PLSCR4: variants seen among roughly 807,000 people sequenced by gnomAD.
PLSCR4 encodes Ca(2+)-dependent phospholipid scramblase 4.
PLSCR4 carries 25 observed loss-of-function variants against 36.3 expected under a neutral mutation model. That is an observed-to-expected ratio of 0.69 (90% confidence interval 0.50 to 0.96). PLSCR4 has a LOEUF of 0.96. PLSCR4 is among the 40% of genes least tolerant of loss of function. The probability of loss-of-function intolerance (pLI) is 0.00; values close to 1 mark genes in which losing one functional copy is unlikely to be tolerated. For missense variants in PLSCR4, 408 were observed against 414.7 expected (o/e 0.98, Z 0.14); for synonymous variants, 122 against 132.9 (o/e 0.92, Z 0.56).
intron 6 of PLSCR4, among the ~76,000 whole-genome samples, chr3:146,197,918 A>G (rs547343773): frequency 3.3e-5 from 5 of 152,254 alleles, no homozygotes; most frequent in African/African-American, 9.6e-5. Flanking sequence ...GAGCTCTCAT[A>G]TAAGTTTAAA....
At chr3:146,234,144 G>C (rs1196805032) in intron 1 of PLSCR4, among the ~76,000 whole-genome samples, 3 of 152,118 alleles carry the variant, frequency 2.0e-5, no homozygotes, top group African/African-American at 7.2e-5. Flanking sequence ...AAATTAAAAA[G>C]TAGAAAGAAC....
At chr3:146,211,203 C>T (rs536902089) in intron 3 of PLSCR4, among the ~76,000 whole-genome samples, 2 of 152,210 alleles carry the variant, frequency 1.3e-5, no homozygotes, top group African/African-American at 4.8e-5. Flanking sequence ...TCTCCACATC[C>T]TCCACCAATA....
chr3:146,247,902 G>A (rs7430290), intron 1 of PLSCR4, among the ~76,000 whole-genome samples: 117,959 of 152,128 alleles, frequency 0.78, 46,831 homozygotes, highest in Non-Finnish European at 0.86. Context: ...GATAACGGGC[G>A]TGAGCTACCG....
At chr3:146,201,397 C>T (rs2034041693) in intron 4 of PLSCR4, among the ~76,000 whole-genome samples, 1 of 152,010 alleles carries the variant, frequency 6.6e-6, no homozygotes, top group Non-Finnish European at 1.5e-5. Flanking sequence ...ATAGATTGTT[C>T]CTAGATAAGT....
intron 3 of PLSCR4, among the ~76,000 whole-genome samples, chr3:146,212,456 G>GTT (rs34304483): frequency 0.32 from 43,329 of 136,938 alleles, 7,537 homozygotes; most frequent in South Asian, 0.45. Context: ...TGTTTTTTGG[G>GTT]TTTTTTTTTT....
chr3:146,196,552 AT>A (rs2033752475), intron 7 of PLSCR4, 79 bp downstream of exon 7: 5 of 1,336,920 alleles, frequency 3.7e-6, no homozygotes, highest in Middle Eastern at 1.9e-4. Context: ...TTAAAAAAAA[AT>A]GTCTACAACC....
intron 8 of PLSCR4, 69 bp downstream of exon 8, chr3:146,195,055 A>G (rs1483026167): frequency 7.3e-7 from 1 of 1,371,920 alleles, no homozygotes; most frequent in Non-Finnish European, 1.0e-6. Flanking sequence ...TATTCTTTAT[A>G]CTACACTATA....
intron 3 of PLSCR4, among the ~76,000 whole-genome samples, chr3:146,209,900 A>G (rs2034532472): frequency 6.6e-6 from 1 of 152,138 alleles, no homozygotes; most frequent in African/African-American, 2.4e-5. Context: ...TTTAAGGAAT[A>G]ATGTCCTGTG....
chr3:146,250,464 T>G (rs1270929122), intron 1 of PLSCR4: 1 of 152,148 alleles, frequency 6.6e-6, no homozygotes, highest in East Asian at 1.9e-4. Flanking sequence ...TCGCCCCAGT[T>G]TGCCAGAATT....
rs1303380701 is a variant in PLSCR4 at position 146,206,592 on chromosome 3, T to G, written c.288A>C (p.Pro96=). 1 of 1,613,482 alleles carries G rather than the reference T, an allele frequency of 6.2e-7. No homozygotes were observed. The highest frequency in any genetic ancestry group is 1.3e-5 in the African/African-American group (1 of 74,890). Residue 96 remains proline (P), a synonymous_variant, in exon 4 of 9, where the codon CCA becomes CCC. Transcript: ENST00000354952. ...GKYPMPNQSV[P]ITWMPGPTPM... ...GAGTTGGCCCTGGCATCCATGTTAT[T>G]GGAACAGACTGATTTGGCATAGGAT...
chr3:146,225,696 G>A (rs12496844), intron 1 of PLSCR4, among the ~76,000 whole-genome samples: 56,998 of 152,044 alleles, frequency 0.37, 10,834 homozygotes, highest in East Asian at 0.49. Flanking sequence ...CTCATTGCCC[G>A]GGGCCAGCAG....
At chr3:146,237,038 A>G (rs531968476) in intron 1 of PLSCR4, among the ~76,000 whole-genome samples, 1 of 151,896 alleles carries the variant, frequency 6.6e-6, no homozygotes, top group East Asian at 1.9e-4. Flanking sequence ...AGAATGGATT[A>G]AAAAAAGAAA....
chr3:146,196,613 T>C lies in PLSCR4; in HGVS notation c.786+19A>G. On this transcript the variant is annotated intron_variant, in intron 7 of 8. Coordinates refer to ENST00000354952, the MANE Select transcript of PLSCR4 (RefSeq NM_020353.3). ...TGAGTAGGAAAAATATCAGAAACACTATTTTTACATAGTTTCACCTCAAAA... is the reference window on the plus strand; with the variant it reads ...TGAGTAGGAAAAATATCAGAAACACCATTTTTACATAGTTTCACCTCAAAA... The C allele has an allele frequency of 6.2e-7, 1 of 1,612,342 alleles. No individual in the cohort carries two copies. The highest frequency in any genetic ancestry group is 1.7e-4 in the Middle Eastern group (1 of 6,058).
At chr3:146,237,252 G>GA (rs1410922886) in intron 1 of PLSCR4, among the ~76,000 whole-genome samples, 5 of 152,012 alleles carry the variant, frequency 3.3e-5, no homozygotes, top group African/African-American at 1.2e-4. Context: ...ATAAAGAGAA[G>GA]AAAAAATTAA....
chr3:146,206,569 G>A lies in PLSCR4; in HGVS notation c.311C>T (p.Thr104Ile), dbSNP rs1165749153. Reference protein sequence around the residue: ...SVPITWMPGPTPMANCPPGLE... With the variant: ...SVPITWMPGPIPMANCPPGLE... ...ACCAGGAGGGCAGTTTGCCATAGGA[G>A]TTGGCCCTGGCATCCATGTTATTGG... The change falls in exon 4 of 9, where the codon ACT becomes ATT. Residue 104 changes from threonine to isoleucine, a missense_variant. Physicochemically the swap from Thr to Ile is moderately conservative, Grantham distance 89 (BLOSUM62 -1). Coordinates refer to ENST00000354952, the MANE Select transcript of PLSCR4 (RefSeq NM_020353.3). 1 of 1,613,520 alleles carries A rather than the reference G, an allele frequency of 6.2e-7. No individual in the cohort carries two copies. The highest frequency in any genetic ancestry group is 8.5e-7 in the Non-Finnish European group (1 of 1,179,578).
intron 1 of PLSCR4, among the ~76,000 whole-genome samples, chr3:146,230,821 T>C (rs1023716315): frequency 1.3e-5 from 2 of 152,156 alleles, no homozygotes; most frequent in Non-Finnish European, 2.9e-5. Flanking sequence ...AGGAAGAAAT[T>C]TAAGACATGT....
chr3:146,230,873 CTTTTA>C (rs947061254), intron 1 of PLSCR4, among the ~76,000 whole-genome samples: 7 of 151,848 alleles, frequency 4.6e-5, no homozygotes, highest in Non-Finnish European at 8.8e-5. Context: ...CCTTTTTTAA[CTTTTA>C]TTTTAGGTTC....
intron 1 of PLSCR4, among the ~76,000 whole-genome samples, chr3:146,246,554 G>A (rs939463603): frequency 4.6e-5 from 7 of 150,716 alleles, no homozygotes; most frequent in Non-Finnish European, 1.0e-4. Context: ...AGAATATCAG[G>A]TGTCTCCTTT....
At chr3:146,240,040 G>C (rs2036084057) in intron 1 of PLSCR4, among the ~76,000 whole-genome samples, 1 of 151,878 alleles carries the variant, frequency 6.6e-6, no homozygotes, top group African/African-American at 2.4e-5. Flanking sequence ...TAAATAAATT[G>C]GACTCATAAA....
Sources: gnomAD v4.1 joint callset for allele counts (sites outside exome capture counted in the v4.1 genomes callset) on GRCh38, gnomAD v4.1.1 for gene constraint, MANE v1.5 for transcripts, NCBI Gene and HGNC (gene_info 2026-07-23, HGNC 2026-07-21) for gene names.